SNTG1: variants seen among roughly 807,000 people sequenced by gnomAD.
The protein encoded by SNTG1 is gamma-1-syntrophin.
SNTG1 carries 39 observed loss-of-function variants against 74.7 expected under a neutral mutation model. The ratio of observed to expected loss-of-function variants is 0.52; its 90% CI spans 0.40 to 0.68. The LOEUF is 0.68. SNTG1 is among the 30% of genes least tolerant of loss of function. The probability of loss-of-function intolerance (pLI) is 0.00; values close to 1 mark genes in which losing one functional copy is unlikely to be tolerated. For synonymous variants in SNTG1, 254 were observed against 217.1 expected (o/e 1.17, Z -1.49); for missense variants, 685 against 609.5 (o/e 1.12, Z -1.30).
intron 13 of SNTG1, among the ~76,000 whole-genome samples, chr8:50,606,275 C>A (rs1220960895): frequency 6.6e-6 from 1 of 152,024 alleles, no homozygotes; most frequent in Non-Finnish European, 1.5e-5. Context: ...AATATTGAGT[C>A]TTGAGATCCA....
chr8:50,042,589 G>C (rs1310225306), intron 1 of SNTG1, among the ~76,000 whole-genome samples: 1 of 152,022 alleles, frequency 6.6e-6, no homozygotes, highest in African/African-American at 2.4e-5. Flanking sequence ...AAAAAAACCT[G>C]GTGGAACCCA....
chr8:50,052,632 A>G lies in SNTG1; in HGVS notation c.-102-119929A>G, dbSNP rs569525219. On this transcript the variant is annotated intron_variant, in intron 1 of 18. Coordinates refer to ENST00000642720, the MANE Select transcript of SNTG1 (RefSeq NM_018967.5). ...CCCAGTGGACACTATTAATAGATCA[A>G]TTTACAAAATTAGATAAACTATTTG... 6.9e-4 allele frequency among the ~76,000 whole-genome samples: 105 copies of G among 152,256 alleles called. 2 individuals are homozygous for G. Among genetic ancestry groups the G allele is most frequent in the African/African-American group, 2.5e-3 (102 of 41,560 alleles).
intron 12 of SNTG1, among the ~76,000 whole-genome samples, chr8:50,585,315 C>G (rs2094640898): frequency 1.3e-5 from 2 of 152,166 alleles, no homozygotes; most frequent in South Asian, 4.1e-4. Context: ...GCTCCTTTTA[C>G]AGCCAGAGGA....
chr8:50,477,440 G>A (rs555425973), intron 8 of SNTG1, among the ~76,000 whole-genome samples: 9 of 151,968 alleles, frequency 5.9e-5, no homozygotes, highest in Admixed American at 5.9e-4. Context: ...TACAATTCAG[G>A]AATATACTAC....
Position 50,074,904 on chromosome 8 carries a change from C to T in SNTG1, c.-102-97657C>T, listed in dbSNP as rs147625150. On this transcript the variant is annotated intron_variant, in intron 1 of 18. Transcript: ENST00000642720. ...CGGGGCTGTGCCCCGGCCGCACTCGCGGCGCACGCGAGTTCGGGGTGGGCA... is the reference window on the plus strand; with the variant it reads ...CGGGGCTGTGCCCCGGCCGCACTCGTGGCGCACGCGAGTTCGGGGTGGGCA... Among the ~76,000 whole-genome samples the T allele has an allele frequency of 3.1e-3, 465 of 152,264 alleles. 1 individual carries two copies. Among genetic ancestry groups the T allele is most frequent in the Non-Finnish European group, 5.0e-3 (337 of 68,016 alleles).
intron 1 of SNTG1, among the ~76,000 whole-genome samples, chr8:49,973,234 A>T (rs903320902): frequency 8.5e-5 from 13 of 152,180 alleles, no homozygotes; most frequent in Middle Eastern, 3.4e-3. Flanking sequence ...GAAGCTGGAA[A>T]CCGTCATTCT....
At chr8:50,153,395 C>T (rs1012113298) in intron 1 of SNTG1, among the ~76,000 whole-genome samples, 35 of 152,126 alleles carry the variant, frequency 2.3e-4, no homozygotes, top group South Asian at 4.1e-4. Flanking sequence ...GAAGTATTCT[C>T]TCAACTCGTC....
At chr8:50,259,461 G>A (rs184350653) in intron 2 of SNTG1, among the ~76,000 whole-genome samples, 10 of 148,020 alleles carry the variant, frequency 6.8e-5, no homozygotes, top group East Asian at 6.0e-4. Context: ...GTCACACCAC[G>A]GCATTCCAGC....
At chr8:50,530,365 A>G (rs1452727760) in intron 10 of SNTG1, 106 bp downstream of exon 10, 1 of 1,068,658 alleles carries the variant, frequency 9.4e-7, no homozygotes, top group Admixed American at 2.3e-5. Flanking sequence ...CCCTGGTTGC[A>G]TAATCATTTA....
chr8:50,473,081 C>T (rs1388710763), intron 8 of SNTG1, among the ~76,000 whole-genome samples: 3 of 152,130 alleles, frequency 2.0e-5, no homozygotes, highest in Admixed American at 2.0e-4. Context: ...CCAACCTAAT[C>T]TCATCTTGAA....
In SNTG1 at chr8:50,517,207, C is replaced by T. The variant is rs145109524; in HGVS notation, c.467-12970C>T. On this transcript the variant is annotated intron_variant, in intron 9 of 18. Coordinates refer to ENST00000642720, the MANE Select transcript of SNTG1 (RefSeq NM_018967.5). ...ATCCAGCCAAACTAAGCTCCATAAG[C>T]GAAGGAAAACTAAAATTCTTTACAG... Among the ~76,000 whole-genome samples the T allele has an allele frequency of 9.1e-4, 139 of 152,008 alleles. 2 individuals carry two copies. The East Asian group carries it at 0.02, about 21-fold the overall frequency.
rs886337723 is a variant in SNTG1, at chr8:50,762,434, A to G, written c.1395+10323A>G. ...TATGAGATCTCTTAAAGTATGGTGGACATAAAAAACTCACGGGACATTCTG... is the reference window on the plus strand; with the variant it reads ...TATGAGATCTCTTAAAGTATGGTGGGCATAAAAAACTCACGGGACATTCTG... On this transcript the variant is annotated intron_variant, in intron 18 of 18. Coordinates refer to ENST00000642720, the MANE Select transcript of SNTG1 (RefSeq NM_018967.5). The G allele has an allele frequency of 1.5e-5, 4 of 262,440 alleles. No individual in the cohort carries two copies. In the Admixed American group the frequency reaches 1.6e-4, roughly 11 times the overall value. 16.3% of individuals were successfully genotyped at this position (262,440 alleles called of 1,614,324 possible). A position where few individuals can be genotyped will look rare whatever the true frequency, so the allele number is the denominator to read the frequency against.
chr8:50,701,747 C>CCTCCTT (rs1554616121), intron 15 of SNTG1, among the ~76,000 whole-genome samples: 1 of 22,798 alleles, frequency 4.4e-5, no homozygotes. Context: ...TTTTTCTTCT[C>CCTCCTT]CTTCTTCTCC....
At chr8:50,516,471 C>T (rs964215349) in intron 9 of SNTG1, among the ~76,000 whole-genome samples, 14 of 152,056 alleles carry the variant, frequency 9.2e-5, no homozygotes, top group Admixed American at 9.2e-4. Flanking sequence ...TAGTAGTCTT[C>T]AGAAGGTGGG....
intron 3 of SNTG1, among the ~76,000 whole-genome samples, chr8:50,398,784 A>G (rs1325011370): frequency 1.3e-5 from 2 of 152,082 alleles, no homozygotes; most frequent in African/African-American, 4.8e-5. Context: ...ACAAAAAATT[A>G]GCTGGGTGTC....
intron 13 of SNTG1, among the ~76,000 whole-genome samples, chr8:50,595,333 T>C (rs2094720245): frequency 6.6e-6 from 1 of 152,030 alleles, no homozygotes; most frequent in South Asian, 2.1e-4. Flanking sequence ...TCTGTATAAA[T>C]TAACTCTTGG....
chr8:50,725,608 CCT>C (rs1408916506), intron 17 of SNTG1, among the ~76,000 whole-genome samples: 9 of 152,116 alleles, frequency 5.9e-5, no homozygotes, highest in African/African-American at 2.2e-4. Flanking sequence ...CCTCTAATTT[CCT>C]CTGTTTTTCA....
intron 17 of SNTG1, among the ~76,000 whole-genome samples, chr8:50,726,708 G>A (rs1231966124): frequency 1.3e-5 from 2 of 152,126 alleles, no homozygotes; most frequent in South Asian, 2.1e-4. Context: ...AATTAGCAGG[G>A]TGTGGTGGCG....
chr8:49,987,299 A>G (rs577929083), intron 1 of SNTG1, among the ~76,000 whole-genome samples: 14 of 152,344 alleles, frequency 9.2e-5, no homozygotes, highest in African/African-American at 3.1e-4. Context: ...AGTTAGAAGA[A>G]TAATTTCCAG....
Sources: gnomAD v4.1 joint callset for allele counts (sites outside exome capture counted in the v4.1 genomes callset) on GRCh38, gnomAD v4.1.1 for gene constraint, MANE v1.5 for transcripts, NCBI Gene and HGNC (gene_info 2026-07-23, HGNC 2026-07-21) for gene names.